The following EPDR1 variants were observed in gnomAD, a reference collection of about 807,000 sequenced individuals.
The protein encoded by EPDR1 is mammalian ependymin-related protein 1.
Under a neutral mutation model 23.7 loss-of-function variants are expected in EPDR1, and 27 were observed. The observed-to-expected ratio is 1.14, with a 90% CI of 0.84 to 1.57. The LOEUF is 1.57. Ranked by LOEUF, EPDR1 falls within the 40% of genes most tolerant of loss-of-function variation. The pLI is 0.00. For synonymous variants in EPDR1, 137 were observed against 118.2 expected, an observed-to-expected ratio of 1.16 and a Z score of -1.03; for missense variants, 349 against 290.4, an observed-to-expected ratio of 1.20 and a Z score of -1.47.
At chr7:37,931,531 A>G (rs976042077) in intron 1 of EPDR1, among the ~76,000 whole-genome samples, 2 of 151,988 alleles carry the variant, frequency 1.3e-5, no homozygotes, top group African/African-American at 2.4e-5. Flanking sequence ...ATAAATAAAA[A>G]AAATAAAAAA....
At position 37,920,708 on chromosome 7, in the gene EPDR1, T is replaced by C. The variant is rs918847859; in HGVS notation, c.-232T>C. The C allele has an allele frequency of 5.0e-6, 8 of 1,605,586 alleles. No individual in the cohort carries two copies. Among genetic ancestry groups the C allele is most frequent in the African/African-American group, 1.3e-5 (1 of 74,586 alleles). On this transcript the variant is annotated 5_prime_UTR_variant, in exon 1 of 3. Coordinates refer to ENST00000199448, the MANE Select transcript of EPDR1 (RefSeq NM_017549.5). ...CAGCAGGCAGTGGCCCAGGCAGAAATAGCTCCCGCGCGATTCACTGGAGCC... is the reference window on the plus strand; with the variant it reads ...CAGCAGGCAGTGGCCCAGGCAGAAACAGCTCCCGCGCGATTCACTGGAGCC...
chr7:37,929,197 T>C (rs758643266), intron 1 of EPDR1, among the ~76,000 whole-genome samples: 54 of 152,218 alleles, frequency 3.5e-4, no homozygotes, highest in Non-Finnish European at 5.6e-4. Flanking sequence ...CCCTCACTGC[T>C]TTATATTAAT....
intron 1 of EPDR1, 95 bp downstream of exon 1, chr7:37,921,303 C>A (rs922324729): frequency 6.9e-7 from 1 of 1,454,444 alleles, no homozygotes; most frequent in Non-Finnish European, 9.0e-7. Context: ...CTCTTTCCGG[C>A]CCCTTGCAGC....
chr7:37,926,722 T>A (rs1204771864), intron 1 of EPDR1: 1 of 453,192 alleles, frequency 2.2e-6, no homozygotes, highest in East Asian at 7.0e-5. Context: ...TCCAATTGCA[T>A]CCTGATGTTC....
chr7:37,933,830 T>A (rs1022136522), intron 1 of EPDR1, among the ~76,000 whole-genome samples: 10 of 152,208 alleles, frequency 6.6e-5, no homozygotes, highest in African/African-American at 2.4e-4. Context: ...TTTACAGCTA[T>A]AAGTGTCAGA....
intron 1 of EPDR1, among the ~76,000 whole-genome samples, chr7:37,929,075 C>A (rs546521479): frequency 6.6e-6 from 1 of 152,310 alleles, no homozygotes; most frequent in East Asian, 1.9e-4. Context: ...AGCACGCTGA[C>A]CCCATTGGCA....
At chr7:37,922,672 G>GGC (rs774686701) in intron 1 of EPDR1, among the ~76,000 whole-genome samples, 9 of 151,218 alleles carry the variant, frequency 6.0e-5, no homozygotes, top group East Asian at 1.9e-4. Context: ...AGCTAGGGGG[G>GGC]GGTTCTGACG....
chr7:37,935,992 G>GCATA (rs1562860294), intron 1 of EPDR1, among the ~76,000 whole-genome samples: 1 of 38,472 alleles, frequency 2.6e-5, no homozygotes, highest in African/African-American at 8.0e-5. Flanking sequence ...GCAAATCATG[G>GCATA]CATATATATA....
chr7:37,949,198 ACTATGTGGCAACGGGAT>A, intron 2 of EPDR1, 150 bp downstream of exon 2: 1 of 678,206 alleles, frequency 1.5e-6, no homozygotes, highest in Non-Finnish European at 2.5e-6. Context: ...TACTTTGCTC[ACTATGTGGCAACGGGAT>A]CTAAGCTTCA....
chr7:37,943,529 T>C (rs563025457), intron 1 of EPDR1, among the ~76,000 whole-genome samples: 61 of 152,236 alleles, frequency 4.0e-4, no homozygotes, highest in Non-Finnish European at 8.2e-4. Flanking sequence ...CACTACAGTA[T>C]CATTAAAATG....
intron 1 of EPDR1, chr7:37,926,649 G>C (rs1296617826): frequency 2.2e-6 from 1 of 453,550 alleles, no homozygotes; most frequent in Non-Finnish European, 4.4e-6. Context: ...TTTGTCTGAT[G>C]TTTCCTCATA....
chr7:37,933,400 C>G (rs1216195560), intron 1 of EPDR1, among the ~76,000 whole-genome samples: 1 of 152,142 alleles, frequency 6.6e-6, no homozygotes. Context: ...CACTCCTTCC[C>G]CCTGTTGAGA....
intron 1 of EPDR1, among the ~76,000 whole-genome samples, chr7:37,924,558 G>T (rs942048424): frequency 6.6e-6 from 1 of 152,136 alleles, no homozygotes; most frequent in African/African-American, 2.4e-5. Context: ...GCCAACTCTT[G>T]CTGGCTTAGA....
At chr7:37,947,126 G>A (rs1018502795) in intron 1 of EPDR1, among the ~76,000 whole-genome samples, 4 of 152,116 alleles carry the variant, frequency 2.6e-5, no homozygotes, top group African/African-American at 9.7e-5. Context: ...GAGCAACTTC[G>A]AGTCCTGCAG....
chr7:37,949,102 G>C lies in EPDR1; in HGVS notation c.478+54G>C, dbSNP rs1281239652. The stretch of plus-strand genomic sequence containing the variant: ...ATTCAGCATGCATGATGGGGAAAAA[G>C]GTTTAAGTCCTTTAAGGAAGGTAGT... On this transcript the variant is annotated intron_variant, in intron 2 of 2. Transcript: ENST00000199448. The C allele has an allele frequency of 3.2e-6, 5 of 1,547,292 alleles. No homozygotes were observed. In the Admixed American group the frequency reaches 7.0e-5, roughly 22 times the overall value.
chr7:37,932,885 A>G (rs1342500947), intron 1 of EPDR1, among the ~76,000 whole-genome samples: 1 of 152,250 alleles, frequency 6.6e-6, no homozygotes, highest in Non-Finnish European at 1.5e-5. Flanking sequence ...TATTTTGGGA[A>G]AAAAAGCTCT....
rs138743533 is a variant in EPDR1 at position 37,923,893 on chromosome 7, C to T, written c.269+2685C>T. Among the ~76,000 whole-genome samples, 39 of 152,218 alleles carry T rather than the reference C, an allele frequency of 2.6e-4. No individual in the cohort carries two copies. In the East Asian group the frequency reaches 4.1e-3, roughly 16 times the overall value. On this transcript the variant is annotated intron_variant, in intron 1 of 2. Transcript: ENST00000199448. ...ACATACAGTACAATGTCTGATAGTA[C>T]GCACAAGATGCTCTGTTCATGGCCA...
At chr7:37,936,948 T>C (rs1786066016) in intron 1 of EPDR1, among the ~76,000 whole-genome samples, 1 of 151,964 alleles carries the variant, frequency 6.6e-6, no homozygotes, top group South Asian at 2.1e-4. Context: ...AGCCCAAACA[T>C]AGGAAAACGT....
Position 37,949,195 on chromosome 7 carries a change from C to T in EPDR1, c.478+147C>T, listed in dbSNP as rs995330853. 4.3e-6 allele frequency: 3 copies of T among 699,562 alleles called. No homozygotes were observed. The Admixed American group carries it at 8.6e-5, about 20-fold the overall frequency. The allele number at this position is 699,562 out of a possible 1,614,324, so 43.3% of individuals were successfully genotyped here. A position where few individuals can be genotyped will look rare whatever the true frequency, so the allele number is the denominator to read the frequency against. On this transcript the variant is annotated intron_variant, in intron 2 of 2. Transcript: ENST00000199448. The stretch of plus-strand genomic sequence containing the variant: ...CCACTTAGGTCTGCAGGTTACTTTG[C>T]TCACTATGTGGCAACGGGATCTAAG...
Sources: allele counts gnomAD v4.1 joint callset (sites outside exome capture counted in the v4.1 genomes callset), GRCh38; gene constraint gnomAD v4.1.1; transcripts MANE v1.5; gene names NCBI Gene and HGNC (gene_info 2026-07-23, HGNC 2026-07-21).